LPP: variants seen among roughly 807,000 people sequenced by gnomAD.
The protein encoded by LPP is lipoma-preferred partner.
LPP carries 38 observed loss-of-function variants against 60.4 expected under a neutral mutation model. That is an observed-to-expected ratio of 0.63 (90% confidence interval 0.49 to 0.83). The LOEUF (loss-of-function observed/expected upper bound fraction) is 0.83. Ranked by LOEUF, LPP falls within the 40% of genes least tolerant of loss-of-function variation. The pLI is 0.00. For synonymous variants in LPP, 328 were observed against 290.8 expected (o/e 1.13, Z -1.30); for missense variants, 902 against 783.6 (o/e 1.15, Z -1.80).
In LPP at chr3:188,241,719, C is replaced by T. The variant is rs551869945; in HGVS notation, c.-67+16192C>T. On this transcript the variant is annotated intron_variant, in intron 2 of 11. Transcript: ENST00000617246. The stretch of plus-strand genomic sequence containing the variant: ...GGACAACCTATTTTTAAAGAATCTT[C>T]AGAGAGTCGTTGACTTTGTTATAAC... 5.9e-5 allele frequency among the ~76,000 whole-genome samples: 9 copies of T among 152,258 alleles called. No homozygotes were observed. In the South Asian group the frequency reaches 1.9e-3, roughly 32 times the overall value.
chr3:188,474,274 T>C (rs1317897620), intron 4 of LPP, among the ~76,000 whole-genome samples: 2 of 151,812 alleles, frequency 1.3e-5, no homozygotes, highest in Admixed American at 1.3e-4. Context: ...AAGGAGCTGT[T>C]AATCAGGTAG....
chr3:188,604,149 G>A (rs1481135490), intron 6 of LPP, among the ~76,000 whole-genome samples: 3 of 151,780 alleles, frequency 2.0e-5, no homozygotes, highest in Admixed American at 2.0e-4. Flanking sequence ...AACTTTCTGA[G>A]TGCAATGAGT....
chr3:188,867,980 C>G, intron 10 of LPP, among the ~76,000 whole-genome samples: 1 of 152,204 alleles, frequency 6.6e-6, no homozygotes. Flanking sequence ...CACCAAAAGA[C>G]GTGAGGTTGA....
At chr3:188,441,873 C>T (rs1794063660) in intron 4 of LPP, among the ~76,000 whole-genome samples, 1 of 151,760 alleles carries the variant, frequency 6.6e-6, no homozygotes, top group Non-Finnish European at 1.5e-5. Flanking sequence ...ATCCGCCCAC[C>T]TCGGCCTCCC....
At chr3:188,662,180 A>G (rs1041169140) in intron 7 of LPP, among the ~76,000 whole-genome samples, 113 of 152,388 alleles carry the variant, frequency 7.4e-4, no homozygotes, top group African/African-American at 2.6e-3. Flanking sequence ...CTAAGGGGAA[A>G]GGATGCATCT....
intron 3 of LPP, among the ~76,000 whole-genome samples, chr3:188,369,960 T>C (rs1206356668): frequency 6.6e-6 from 1 of 152,142 alleles, no homozygotes; most frequent in Non-Finnish European, 1.5e-5. Flanking sequence ...ACAGAGTCTC[T>C]CTCTGTTGCC....
chr3:188,624,808 T>TTCCTTCCTTCC (rs1308507950), intron 7 of LPP, among the ~76,000 whole-genome samples: 3 of 143,660 alleles, frequency 2.1e-5, no homozygotes, highest in Non-Finnish European at 3.1e-5. Flanking sequence ...CCTTCCTTCC[T>TTCCTTCCTTCC]TCTCTCTCTT....
chr3:188,864,584 G>A (rs367972740), intron 9 of LPP, among the ~76,000 whole-genome samples: 1 of 152,248 alleles, frequency 6.6e-6, no homozygotes, highest in African/African-American at 2.4e-5. Context: ...TTCATTCCAA[G>A]TGGGACCATT....
intron 5 of LPP, among the ~76,000 whole-genome samples, chr3:188,487,943 C>A (rs1028518862): frequency 6.6e-6 from 1 of 151,910 alleles, no homozygotes; most frequent in Non-Finnish European, 1.5e-5. Context: ...CAGAAAGGGA[C>A]CTTAGAGATC....
rs1165167709 is a variant in LPP at position 188,889,675 on chromosome 3, C to T, written c.*15196C>T. 1.3e-5 allele frequency: 3 copies of T among 223,462 alleles called. No individual in the cohort carries two copies. Among genetic ancestry groups the T allele is most frequent in the East Asian group, 6.5e-5 (1 of 15,444 alleles). The allele number at this position is 223,462 out of a possible 1,614,324, so 13.8% of individuals were successfully genotyped here. On this transcript the variant is annotated 3_prime_UTR_variant, in exon 12 of 12. Coordinates refer to ENST00000617246, the MANE Select transcript of LPP (RefSeq NM_001375462.1). ...TGCCATTGCAGTCAGCCACCATTCTCTTTTCCATATAAGGAGCCCCATTAC... is the reference window on the plus strand; with the variant it reads ...TGCCATTGCAGTCAGCCACCATTCTTTTTTCCATATAAGGAGCCCCATTAC...
rs1274024905 is a variant in LPP, at chr3:188,879,452, G to A, written c.*4973G>A. 4 of 207,844 alleles carry A rather than the reference G, an allele frequency of 1.9e-5. No homozygotes were observed. Among genetic ancestry groups the A allele is most frequent in the East Asian group, 7.3e-5 (1 of 13,716 alleles). 12.9% of individuals were successfully genotyped at this position (207,844 alleles called of 1,614,324 possible). A position where few individuals can be genotyped will look rare whatever the true frequency, so the allele number is the denominator to read the frequency against. On this transcript the variant is annotated 3_prime_UTR_variant, in exon 12 of 12. Coordinates refer to ENST00000617246, the MANE Select transcript of LPP (RefSeq NM_001375462.1). ...GCATCCATAAAATCTTCTTTTATAGGGGCATATTTTTTAGGTTGTATTTAT... is the reference window on the plus strand; with the variant it reads ...GCATCCATAAAATCTTCTTTTATAGAGGCATATTTTTTAGGTTGTATTTAT...
At chr3:188,728,967 G>C (rs148511426) in intron 8 of LPP, among the ~76,000 whole-genome samples, 2 of 151,912 alleles carry the variant, frequency 1.3e-5, no homozygotes, top group African/African-American at 4.8e-5. Flanking sequence ...AAAAATATAT[G>C]ATAATCCCTT....
At position 188,822,913 on chromosome 3, in the gene LPP, T is replaced by A. The variant is rs2030583; in HGVS notation, c.1411-43287T>A. On this transcript the variant is annotated intron_variant, in intron 9 of 11. Coordinates refer to ENST00000617246, the MANE Select transcript of LPP (RefSeq NM_001375462.1). ...TAAATCCCCCTTTATGGTTTTTTAT[T>A]GGTGTTTATTCTTTTTTAATACAGA... 9.9e-3 allele frequency among the ~76,000 whole-genome samples: 1,515 copies of A among 152,264 alleles called. 29 individuals are homozygous for A. The highest frequency in any genetic ancestry group is 0.035 in the African/African-American group (1,437 of 41,548).
chr3:188,637,912 C>T (rs1477417445), intron 7 of LPP, among the ~76,000 whole-genome samples: 1 of 150,438 alleles, frequency 6.6e-6, no homozygotes, highest in African/African-American at 2.4e-5. Flanking sequence ...CAGATGGATT[C>T]ACAGCCGAAT....
chr3:188,816,069 C>T (rs1158860182), intron 9 of LPP, among the ~76,000 whole-genome samples: 1 of 151,700 alleles, frequency 6.6e-6, no homozygotes, highest in African/African-American at 2.4e-5. Context: ...CCTTTTTTTT[C>T]AAATGACATT....
intron 9 of LPP, among the ~76,000 whole-genome samples, chr3:188,797,450 A>C (rs1745718164): frequency 6.6e-6 from 1 of 152,128 alleles, no homozygotes; most frequent in Non-Finnish European, 1.5e-5. Context: ...AAAATCTCAT[A>C]ATCTTCTAGA....
intron 2 of LPP, among the ~76,000 whole-genome samples, chr3:188,329,339 C>T (rs1445404780): frequency 3.3e-5 from 5 of 152,164 alleles, no homozygotes; most frequent in African/African-American, 1.2e-4. Context: ...TCAAGGAATT[C>T]CAAACTTCTT....
intron 3 of LPP, among the ~76,000 whole-genome samples, chr3:188,346,128 G>T (rs2150730177): frequency 6.6e-6 from 1 of 151,352 alleles, no homozygotes; most frequent in Middle Eastern, 3.5e-3. Context: ...ATCATTATAA[G>T]TTCCACTACC....
At chr3:188,464,977 T>C (rs1468074771) in intron 4 of LPP, among the ~76,000 whole-genome samples, 2 of 61,726 alleles carry the variant, frequency 3.2e-5, no homozygotes, top group Non-Finnish European at 6.2e-5. Flanking sequence ...AGGCTTACTA[T>C]GGAAAAAAAA....
Sources: allele counts gnomAD v4.1 joint callset (sites outside exome capture counted in the v4.1 genomes callset), GRCh38; gene constraint gnomAD v4.1.1; transcripts MANE v1.5; gene names NCBI Gene and HGNC (gene_info 2026-07-23, HGNC 2026-07-21).